MGAT4C: variants seen among roughly 807,000 people sequenced by gnomAD.
MGAT4C encodes the protein alpha-1,3-mannosyl-glycoprotein 4-beta-N-acetylglucosaminyltransferase C.
In MGAT4C, 19 loss-of-function variants were observed where a neutral mutation model predicts 40.1. The observed-to-expected ratio is 0.47, with a 90% CI of 0.33 to 0.70. The LOEUF is 0.70. MGAT4C is among the 30% of genes least tolerant of loss of function. The pLI is 0.02. For missense variants in MGAT4C, 491 were observed against 563.2 expected (o/e 0.87, Z 1.30); for synonymous variants, 181 against 187.1 (o/e 0.97, Z 0.27).
At chr12:86,533,733 A>G (rs540000711) in intron 2 of MGAT4C, among the ~76,000 whole-genome samples, 40 of 151,936 alleles carry the variant, frequency 2.6e-4, no homozygotes, top group African/African-American at 9.4e-4. Flanking sequence ...AAGCCACACA[A>G]TTGACTGATG....
intron 2 of MGAT4C, among the ~76,000 whole-genome samples, chr12:86,463,092 T>C (rs1337509262): frequency 6.6e-6 from 1 of 152,150 alleles, no homozygotes; most frequent in Non-Finnish European, 1.5e-5. Flanking sequence ...TTACAAATTG[T>C]CAATGGAGCC....
intron 2 of MGAT4C, among the ~76,000 whole-genome samples, chr12:86,578,911 T>A (rs1282673287): frequency 6.6e-6 from 1 of 151,666 alleles, no homozygotes; most frequent in Non-Finnish European, 1.5e-5. Flanking sequence ...GCTTTTCTAG[T>A]TATATAGTGA....
At chr12:86,164,506 G>A (rs1237012961) in intron 1 of MGAT4C, among the ~76,000 whole-genome samples, 1 of 152,120 alleles carries the variant, frequency 6.6e-6, no homozygotes, top group East Asian at 1.9e-4. Flanking sequence ...AAGTCTAATG[G>A]GACAGATAGA....
chr12:86,402,668 A>G (rs1956390531), intron 3 of MGAT4C, among the ~76,000 whole-genome samples: 1 of 152,142 alleles, frequency 6.6e-6, no homozygotes, highest in African/African-American at 2.4e-5. Context: ...GATTTTTTCT[A>G]TATTTCCAAT....
intron 4 of MGAT4C, among the ~76,000 whole-genome samples, chr12:86,322,681 G>T (rs1207642420): frequency 1.3e-5 from 2 of 151,702 alleles, no homozygotes; most frequent in Non-Finnish European, 2.9e-5. Context: ...CAACGGGAAG[G>T]GCAATTTAGT....
At chr12:86,369,076 A>G (rs1047016926) in intron 3 of MGAT4C, among the ~76,000 whole-genome samples, 57 of 152,116 alleles carry the variant, frequency 3.7e-4, no homozygotes, top group African/African-American at 1.3e-3. Flanking sequence ...TTAGAATATT[A>G]TACATTTCTT....
At chr12:86,265,110 AC>A (rs1952753389) in intron 4 of MGAT4C, among the ~76,000 whole-genome samples, 3 of 145,444 alleles carry the variant, frequency 2.1e-5, no homozygotes, top group East Asian at 2.2e-4. Flanking sequence ...CCACCCCCCG[AC>A]CCCCAGCCGG....
At chr12:85,987,816 T>C (rs1885425682) in intron 3 of MGAT4C, among the ~76,000 whole-genome samples, 1 of 152,214 alleles carries the variant, frequency 6.6e-6, no homozygotes, top group South Asian at 2.1e-4. Flanking sequence ...TCTTATAAAT[T>C]CAGCAAGTAA....
intron 1 of MGAT4C, among the ~76,000 whole-genome samples, chr12:86,762,636 T>A (rs979465194): frequency 6.6e-6 from 1 of 152,176 alleles, no homozygotes; most frequent in East Asian, 1.9e-4. Context: ...AAGTAAGCAA[T>A]GAAAAACCCA....
At chr12:86,340,255 T>C (rs959484696) in intron 3 of MGAT4C, among the ~76,000 whole-genome samples, 4 of 152,150 alleles carry the variant, frequency 2.6e-5, no homozygotes, top group African/African-American at 9.7e-5. Context: ...CCACAATGTC[T>C]GACACTCAGA....
chr12:86,062,353 T>C (rs1163060623), intron 1 of MGAT4C, among the ~76,000 whole-genome samples: 1 of 151,918 alleles, frequency 6.6e-6, no homozygotes, highest in Non-Finnish European at 1.5e-5. Flanking sequence ...GGACATCCAC[T>C]CAGAGACCCC....
intron 3 of MGAT4C, among the ~76,000 whole-genome samples, chr12:86,405,051 A>C (rs1956437518): frequency 6.6e-6 from 1 of 152,062 alleles, no homozygotes; most frequent in South Asian, 2.1e-4. Context: ...AAACAAGAAA[A>C]AAAGTTTTCA....
At chr12:86,048,753 C>A (rs1176432639) in intron 2 of MGAT4C, among the ~76,000 whole-genome samples, 1 of 151,894 alleles carries the variant, frequency 6.6e-6, no homozygotes, top group Non-Finnish European at 1.5e-5. Flanking sequence ...ATATTACAAC[C>A]AGTTTTAGAT....
At position 86,782,825 on chromosome 12, in the gene MGAT4C, G is replaced by T. The variant is rs549239996; in HGVS notation, c.-261-55584C>A. Among the ~76,000 whole-genome samples the T allele has an allele frequency of 3.3e-5, 5 of 152,276 alleles. No individual in the cohort carries two copies. In the East Asian group the frequency reaches 9.7e-4, roughly 29 times the overall value. ...ACACAGTCAGAAATTGGATATCTGC[G>T]TATGTACAAGCCAGAAAGAGGTTTC... On this transcript the variant is annotated intron_variant, in intron 1 of 7. Transcript: ENST00000548651.
intron 2 of MGAT4C, among the ~76,000 whole-genome samples, chr12:86,623,496 T>C (rs1171242393): frequency 6.6e-6 from 1 of 152,144 alleles, no homozygotes; most frequent in Non-Finnish European, 1.5e-5. Context: ...GACTTCTTGA[T>C]GGAAACAATG....
At chr12:86,366,403 G>A (rs1955597159) in intron 3 of MGAT4C, among the ~76,000 whole-genome samples, 1 of 152,014 alleles carries the variant, frequency 6.6e-6, no homozygotes, top group African/African-American at 2.4e-5. Context: ...GCTTTGGCTA[G>A]GACTTTTGGT....
intron 2 of MGAT4C, among the ~76,000 whole-genome samples, chr12:85,995,752 C>T (rs943515169): frequency 5.9e-5 from 9 of 152,004 alleles, no homozygotes; most frequent in African/African-American, 2.2e-4. Context: ...TCTGTAGTCC[C>T]AGCTACTTGG....
At chr12:86,248,194 TCTTCCTTC>T (rs71076174) in intron 1 of MGAT4C, among the ~76,000 whole-genome samples, 8,865 of 140,258 alleles carry the variant, frequency 0.063, 276 homozygotes, top group African/African-American at 0.085. Context: ...ACCTAGTTTC[TCTTCCTTC>T]CTTCCTTCCT....
At chr12:86,529,734 A>AT (rs1310525313) in intron 2 of MGAT4C, among the ~76,000 whole-genome samples, 1 of 151,564 alleles carries the variant, frequency 6.6e-6, no homozygotes, top group East Asian at 1.9e-4. Context: ...GATTATTATT[A>AT]TTTTTTAGTT....
Sources: gnomAD v4.1 joint callset for allele counts (sites outside exome capture counted in the v4.1 genomes callset) on GRCh38, gnomAD v4.1.1 for gene constraint, MANE v1.5 for transcripts, NCBI Gene and HGNC (gene_info 2026-07-23, HGNC 2026-07-21) for gene names.